Variants in LTBP1 observed in about 807,000 individuals in gnomAD.
LTBP1 encodes the protein latent-transforming growth factor beta-binding protein 1.
LTBP1 carries 129 observed loss-of-function variants against 207.6 expected under a neutral mutation model. The observed-to-expected ratio is 0.62, with a 90% CI of 0.54 to 0.72. The LOEUF is 0.72. Ranked by LOEUF, LTBP1 falls within the 30% of genes least tolerant of loss-of-function variation. LTBP1 has a pLI of 0.00. For missense variants in LTBP1, 2,281 were observed against 2,217.2 expected, an observed-to-expected ratio of 1.03 and a Z score of -0.58; for synonymous variants, 963 against 833.7, an observed-to-expected ratio of 1.16 and a Z score of -2.67.
At chr2:33,019,328 C>CT (rs58570641) in intron 2 of LTBP1, among the ~76,000 whole-genome samples, 1,386 of 87,696 alleles carry the variant, frequency 0.016, 127 homozygotes, top group African/African-American at 0.028. Context: ...ATGTACACTT[C>CT]TTTTTTTTTT....
chr2:33,352,359 T>A (rs2094793726), intron 26 of LTBP1, among the ~76,000 whole-genome samples: 1 of 152,160 alleles, frequency 6.6e-6, no homozygotes, highest in Non-Finnish European at 1.5e-5. Context: ...CTCGAACTCC[T>A]GACCTTGTGA....
At chr2:33,225,372 C>A (rs1343896440) in intron 9 of LTBP1, among the ~76,000 whole-genome samples, 1 of 152,156 alleles carries the variant, frequency 6.6e-6, no homozygotes, top group Non-Finnish European at 1.5e-5. Flanking sequence ...AAAAGACATA[C>A]CCGAGACTGG....
chr2:33,360,144 A>G (rs1351147523), intron 26 of LTBP1, among the ~76,000 whole-genome samples: 2 of 152,226 alleles, frequency 1.3e-5, no homozygotes, highest in Admixed American at 6.5e-5. Flanking sequence ...TGCAGTCTTC[A>G]GAAAAGATTG....
chr2:33,201,986 T>C (rs1019418290), intron 7 of LTBP1, among the ~76,000 whole-genome samples: 6 of 148,312 alleles, frequency 4.0e-5, no homozygotes. Flanking sequence ...GGCAGATATG[T>C]TCAGTAACAT....
intron 5 of LTBP1, among the ~76,000 whole-genome samples, chr2:33,172,513 A>G (rs1333265178): frequency 6.6e-6 from 1 of 152,242 alleles, no homozygotes; most frequent in African/African-American, 2.4e-5. Context: ...GCAAGTCCTC[A>G]GTGACCTACA....
intron 15 of LTBP1, among the ~76,000 whole-genome samples, chr2:33,267,351 A>C (rs1461930789): frequency 6.6e-6 from 1 of 152,204 alleles, no homozygotes; most frequent in African/African-American, 2.4e-5. Context: ...AGTGGGTGCA[A>C]GCAAAACTTG....
At chr2:33,037,482 A>C (rs975494872) in intron 3 of LTBP1, among the ~76,000 whole-genome samples, 4 of 152,032 alleles carry the variant, frequency 2.6e-5, no homozygotes, top group African/African-American at 9.7e-5. Flanking sequence ...ACTCTTTTCA[A>C]ATTTCCTTAG....
At chr2:33,257,950 G>C (rs980084026) in intron 12 of LTBP1, among the ~76,000 whole-genome samples, 2 of 152,246 alleles carry the variant, frequency 1.3e-5, no homozygotes, top group African/African-American at 2.4e-5. Flanking sequence ...AATGAAGGAA[G>C]CTAAGAGATT....
chr2:33,192,629 A>G (rs1175321909), intron 7 of LTBP1, among the ~76,000 whole-genome samples: 1 of 152,242 alleles, frequency 6.6e-6, no homozygotes, highest in Non-Finnish European at 1.5e-5. Context: ...ATTTTTTAAA[A>G]AAAAGCCAGA....
At chr2:33,357,776 T>C (rs2094881697) in intron 26 of LTBP1, among the ~76,000 whole-genome samples, 1 of 152,248 alleles carries the variant, frequency 6.6e-6, no homozygotes, top group Admixed American at 6.5e-5. Flanking sequence ...ATATATTTTT[T>C]AGAAGTCTGT....
intron 2 of LTBP1, among the ~76,000 whole-genome samples, chr2:32,991,947 T>C (rs960347435): frequency 1.3e-5 from 2 of 152,214 alleles, no homozygotes; most frequent in Non-Finnish European, 2.9e-5. Context: ...TCTACTCATT[T>C]GCTGGTATTA....
chr2:33,210,457 A>C (rs954627457), intron 7 of LTBP1, among the ~76,000 whole-genome samples: 2 of 152,154 alleles, frequency 1.3e-5, no homozygotes, highest in Non-Finnish European at 2.9e-5. Context: ...TTATAAAAAC[A>C]TTATCTCTTT....
At chr2:33,373,829 A>T (rs2095102246) in intron 31 of LTBP1, among the ~76,000 whole-genome samples, 1 of 152,212 alleles carries the variant, frequency 6.6e-6, no homozygotes, top group Non-Finnish European at 1.5e-5. Flanking sequence ...CATAATTAGT[A>T]TAATTTATTC....
At chr2:33,092,957 C>A (rs779866253) in intron 3 of LTBP1, among the ~76,000 whole-genome samples, 1 of 152,190 alleles carries the variant, frequency 6.6e-6, no homozygotes, top group African/African-American at 2.4e-5. Context: ...GCACTCCTTC[C>A]TTTTAGGGGG....
chr2:33,331,743 A>G (rs2094496392), intron 24 of LTBP1, among the ~76,000 whole-genome samples: 1 of 152,074 alleles, frequency 6.6e-6, no homozygotes, highest in Non-Finnish European at 1.5e-5. Flanking sequence ...ATCCCTACCG[A>G]TTTTTTGTCT....
intron 20 of LTBP1, among the ~76,000 whole-genome samples, chr2:33,293,995 CTTTTTTTTTTT>C (rs71409607): frequency 2.0e-3 from 96 of 48,834 alleles, no homozygotes; most frequent in African/African-American, 7.9e-3. Context: ...TGGTACAGGT[CTTTTTTTTTTT>C]TTTTTTTTTT....
intron 5 of LTBP1, among the ~76,000 whole-genome samples, chr2:33,186,619 AG>A (rs3217642): frequency 0.029 from 4,397 of 152,224 alleles, 171 homozygotes; most frequent in East Asian, 0.19. Context: ...CCATTGTTGG[AG>A]GGAGAATAAT....
At chr2:32,995,646 G>A (rs565042962) in intron 2 of LTBP1, among the ~76,000 whole-genome samples, 17 of 152,220 alleles carry the variant, frequency 1.1e-4, no homozygotes, top group Admixed American at 2.6e-4. Flanking sequence ...AAAATTAGCC[G>A]GGCGTGGTGG....
chr2:33,209,903 C>T (rs1006359627), intron 7 of LTBP1, among the ~76,000 whole-genome samples: 14 of 152,170 alleles, frequency 9.2e-5, no homozygotes, highest in Non-Finnish European at 1.8e-4. Context: ...CCATGAAAAA[C>T]GGATGTCTCT....
Sources: gnomAD v4.1 joint callset for allele counts (sites outside exome capture counted in the v4.1 genomes callset) on GRCh38, gnomAD v4.1.1 for gene constraint, MANE v1.5 for transcripts, NCBI Gene and HGNC (gene_info 2026-07-23, HGNC 2026-07-21) for gene names.